The following PRKG1 variants were observed in gnomAD, a reference collection of about 807,000 sequenced individuals.
PRKG1 encodes the protein cGMP-dependent protein kinase 1.
Under a neutral mutation model 88.1 loss-of-function variants are expected in PRKG1, and 35 were observed. The observed-to-expected ratio is 0.40, with a 90% CI of 0.30 to 0.53. The LOEUF (loss-of-function observed/expected upper bound fraction) is 0.53. Among genes scored for constraint, PRKG1 ranks in the 20% least tolerant of loss-of-function variants. The pLI is 0.59. For missense variants in PRKG1, 540 were observed against 839.8 expected (o/e 0.64, Z 4.41); for synonymous variants, 303 against 292.5 (o/e 1.04, Z -0.37).
At chr10:51,902,059 AAAGCGATAATCTATTCTTAAATT>A (rs1201251121) in intron 4 of PRKG1, among the ~76,000 whole-genome samples, 1 of 152,132 alleles carries the variant, frequency 6.6e-6, no homozygotes, top group African/African-American at 2.4e-5. Context: ...TCACCTTTTC[AAAGCGATAATCTATTCTTAAATT>A]AAGAAAATAT....
intron 1 of PRKG1, among the ~76,000 whole-genome samples, chr10:51,033,031 CTTT>C (rs1363431342): frequency 6.6e-6 from 1 of 152,054 alleles, no homozygotes; most frequent in East Asian, 1.9e-4. Flanking sequence ...AACTACTCTG[CTTT>C]TTTTCTTCTT....
At chr10:52,068,515 A>G (rs1358092261) in intron 7 of PRKG1, among the ~76,000 whole-genome samples, 4 of 152,174 alleles carry the variant, frequency 2.6e-5, no homozygotes, top group South Asian at 2.1e-4. Context: ...AATTTCTTTT[A>G]TCTGAAATGG....
intron 3 of PRKG1, among the ~76,000 whole-genome samples, chr10:51,643,117 G>C (rs955643387): frequency 7.2e-6 from 1 of 139,448 alleles, no homozygotes; most frequent in African/African-American, 2.5e-5. Context: ...GTTCATGCTT[G>C]AGTTAAAAAA....
chr10:51,268,807 G>A (rs1839903199), intron 2 of PRKG1, among the ~76,000 whole-genome samples: 1 of 152,152 alleles, frequency 6.6e-6, no homozygotes. Flanking sequence ...GTATTGACTG[G>A]GGAAGTGATA....
chr10:51,337,154 A>G (rs1477290154), intron 2 of PRKG1, among the ~76,000 whole-genome samples: 5 of 152,206 alleles, frequency 3.3e-5, no homozygotes, highest in Admixed American at 3.3e-4. Flanking sequence ...CAAACAAGCA[A>G]TGGGGAAAGG....
chr10:51,120,617 G>T (rs1845238732), intron 1 of PRKG1, among the ~76,000 whole-genome samples: 1 of 152,018 alleles, frequency 6.6e-6, no homozygotes, highest in Non-Finnish European at 1.5e-5. Flanking sequence ...TGACATCCTA[G>T]GTTTTAAGTT....
At chr10:51,796,060 G>T (rs1470998505) in intron 3 of PRKG1, among the ~76,000 whole-genome samples, 1 of 152,022 alleles carries the variant, frequency 6.6e-6, no homozygotes, top group African/African-American at 2.4e-5. Context: ...GACGGTCTGT[G>T]GTGATTTGCC....
rs1215362587 is a variant in PRKG1, at chr10:52,155,439, G to A, written c.1002-6450G>A. 2.6e-5 allele frequency among the ~76,000 whole-genome samples: 4 copies of A among 151,708 alleles called. No individual in the cohort carries two copies. In the East Asian group the frequency reaches 5.8e-4, roughly 22 times the overall value. Reference sequence around the variant, plus strand: ...AGATAAGCAAATAAACAAAAAAATCGAGAAGTTTAGTCATTTCATATTGGA... The same window carrying A: ...AGATAAGCAAATAAACAAAAAAATCAAGAAGTTTAGTCATTTCATATTGGA... On this transcript the variant is annotated intron_variant, in intron 8 of 17. Coordinates refer to ENST00000373980, the MANE Select transcript of PRKG1 (RefSeq NM_006258.4).
chr10:51,757,599 G>C (rs1223129227), intron 3 of PRKG1, among the ~76,000 whole-genome samples: 1 of 152,194 alleles, frequency 6.6e-6, no homozygotes, highest in African/African-American at 2.4e-5. Context: ...CAATATGGTA[G>C]CAGCTAGCCA....
intron 2 of PRKG1, among the ~76,000 whole-genome samples, chr10:51,462,541 G>A (rs994911222): frequency 6.6e-6 from 1 of 152,170 alleles, no homozygotes; most frequent in Non-Finnish European, 1.5e-5. Flanking sequence ...AGGGTGGTAT[G>A]TGTATAGTGG....
At chr10:51,025,240 TCTC>T (rs1843189606) in intron 1 of PRKG1, among the ~76,000 whole-genome samples, 1 of 152,072 alleles carries the variant, frequency 6.6e-6, no homozygotes, top group South Asian at 2.1e-4. Flanking sequence ...ATTCCAAACT[TCTC>T]CTCCCCCAGC....
At chr10:52,050,692 T>C (rs1463441328) in intron 5 of PRKG1, among the ~76,000 whole-genome samples, 1 of 152,166 alleles carries the variant, frequency 6.6e-6, no homozygotes, top group African/African-American at 2.4e-5. Context: ...TGGACATATG[T>C]TCGTTCAGTG....
At chr10:51,435,020 A>G (rs1838879635) in intron 2 of PRKG1, among the ~76,000 whole-genome samples, 1 of 151,972 alleles carries the variant, frequency 6.6e-6, no homozygotes, top group Non-Finnish European at 1.5e-5. Context: ...TTTAATCACC[A>G]TAAAAAAATT....
intron 7 of PRKG1, among the ~76,000 whole-genome samples, chr10:52,117,162 A>ATGTGTG (rs1482097366): frequency 8.5e-5 from 4 of 46,924 alleles, no homozygotes; most frequent in Non-Finnish European, 1.7e-4. Flanking sequence ...TATGTGAAAT[A>ATGTGTG]TCTGTGTGTG....
intron 14 of PRKG1, among the ~76,000 whole-genome samples, chr10:52,285,541 A>G (rs901383296): frequency 2.0e-5 from 3 of 152,114 alleles, no homozygotes; most frequent in Non-Finnish European, 4.4e-5. Context: ...TGCTTTTGTG[A>G]GTTCAATGTT....
chr10:51,852,455 A>G (rs1840584115), intron 4 of PRKG1, among the ~76,000 whole-genome samples: 1 of 151,938 alleles, frequency 6.6e-6, no homozygotes, highest in Non-Finnish European at 1.5e-5. Flanking sequence ...TGTATTGCTA[A>G]CATATAACCA....
At chr10:52,278,992 A>C (rs1368416982) in intron 12 of PRKG1, among the ~76,000 whole-genome samples, 1 of 152,138 alleles carries the variant, frequency 6.6e-6, no homozygotes, top group Non-Finnish European at 1.5e-5. Flanking sequence ...TTTGCTTTGC[A>C]ATGCTCTCCA....
intron 2 of PRKG1, among the ~76,000 whole-genome samples, chr10:51,300,427 G>C (rs183170676): frequency 6.6e-6 from 1 of 152,264 alleles, no homozygotes; most frequent in East Asian, 1.9e-4. Context: ...GTGGGTTACT[G>C]TATTTAATGA....
chr10:51,372,846 T>A (rs937206035), intron 2 of PRKG1, among the ~76,000 whole-genome samples: 1 of 152,188 alleles, frequency 6.6e-6, no homozygotes, highest in African/African-American at 2.4e-5. Context: ...GATTTTTAGT[T>A]GATAAACCAA....
Sources: gnomAD v4.1 joint callset for allele counts (sites outside exome capture counted in the v4.1 genomes callset) on GRCh38, gnomAD v4.1.1 for gene constraint, MANE v1.5 for transcripts, NCBI Gene and HGNC (gene_info 2026-07-23, HGNC 2026-07-21) for gene names.